ACY3: variants seen among roughly 807,000 people sequenced by gnomAD.
ACY3 encodes the protein N-acyl-aromatic-L-amino acid amidohydrolase (carboxylate-forming).
Under a neutral mutation model 24.6 loss-of-function variants are expected in ACY3, and 20 were observed. The ratio of observed to expected loss-of-function variants is 0.81; its 90% CI spans 0.57 to 1.18. The LOEUF is 1.18. Ranked by LOEUF, ACY3 falls within the 50% of genes most tolerant of loss-of-function variation. The probability of loss-of-function intolerance (pLI) is 0.00; values close to 1 mark genes in which losing one functional copy is unlikely to be tolerated. For missense variants in ACY3, 423 were observed against 426.8 expected (o/e 0.99, Z 0.08); for synonymous variants, 174 against 188.4 (o/e 0.92, Z 0.62).
At chr11:67,645,965 GGCCCTGCAGGA>G in intron 3 of ACY3, 78 bp from the exon 4 acceptor site, 1 of 1,422,632 alleles carries the variant, frequency 7.0e-7, no homozygotes, top group South Asian at 1.4e-5. Flanking sequence ...AAGGGGCAGG[GGCCCTGCAGGA>G]GCCACTCTGA....
At chr11:67,643,609 C>T (rs1026614439) in intron 7 of ACY3, among the ~76,000 whole-genome samples, 9 of 151,886 alleles carry the variant, frequency 5.9e-5, no homozygotes, top group Non-Finnish European at 1.0e-4. Flanking sequence ...ACTCAGGAGG[C>T]GGAGGTTGCA....
intron 7 of ACY3, among the ~76,000 whole-genome samples, chr11:67,643,877 C>A (rs1385925509): frequency 1.3e-5 from 2 of 152,040 alleles, no homozygotes; most frequent in Admixed American, 1.3e-4. Flanking sequence ...TGCCTATAAT[C>A]CCAGCTACTG....
chr11:67,643,307 A>C (rs531571422), intron 7 of ACY3, among the ~76,000 whole-genome samples: 45 of 152,362 alleles, frequency 3.0e-4, no homozygotes, highest in African/African-American at 9.4e-4. Flanking sequence ...TCCTCCTATC[A>C]TTCTGAAGTT....
Position 67,645,834 on chromosome 11 carries a change from T to G in ACY3, c.290A>C (p.Asn97Thr), listed in dbSNP as rs775630108. The G allele has an allele frequency of 6.2e-7, 1 of 1,613,576 alleles. No individual in the cohort carries two copies. The highest frequency in any genetic ancestry group is 8.5e-7 in the Non-Finnish European group (1 of 1,179,758). The part of the protein sequence containing the change: ...PYEVTRAREL[N>T]QLLGPKASGQ... Reference sequence around the variant, plus strand: ...CGAGGCCTTGGGCCCCAGCAGCTGGTTCAGCTCTCGGGCTCTTGTCACCTC... The same window carrying G: ...CGAGGCCTTGGGCCCCAGCAGCTGGGTCAGCTCTCGGGCTCTTGTCACCTC... Residue 97 changes from asparagine to threonine, a missense_variant, in exon 4 of 8, where the codon AAC (asparagine) becomes ACC (threonine). Transcript: ENST00000255082.
intron 7 of ACY3, among the ~76,000 whole-genome samples, chr11:67,644,182 G>A (rs1208475815): frequency 2.6e-5 from 4 of 151,804 alleles, no homozygotes; most frequent in Non-Finnish European, 5.9e-5. Flanking sequence ...AAACTTCAGG[G>A]CACAAAAGGC....
chr11:67,647,792 G>A (rs1855546829), intron 1 of ACY3, among the ~76,000 whole-genome samples: 2 of 152,330 alleles, frequency 1.3e-5, no homozygotes, highest in South Asian at 2.1e-4. Context: ...CCTGCCCTTC[G>A]TCCTTCTGCT....
At position 67,646,948 on chromosome 11, in the gene ACY3, C is replaced by G; in HGVS notation, c.96G>C (p.Arg32=). 1.9e-6 allele frequency: 3 copies of G among 1,596,964 alleles called. No homozygotes were observed. The highest frequency in any genetic ancestry group is 1.7e-6 in the Non-Finnish European group (2 of 1,171,534). ...GCTCTGCGGGGGCATGCAGCCAGTG[C>G]CGGGCCAGGTAGACGCCCGACATCT... The part of the protein sequence containing the change: ...GNEMSGVYLA[R]HWLHAPAELQ... The change falls in exon 3 of 8, where the codon CGG becomes CGC. Residue 32 remains arginine, a synonymous_variant. Coordinates refer to ENST00000255082, the MANE Select transcript of ACY3 (RefSeq NM_080658.2).
chr11:67,647,176 A>G (rs7108760), intron 2 of ACY3, 113 bp from the exon 3 acceptor site: 582,628 of 721,912 alleles, frequency 0.81, 238,269 homozygotes, highest in South Asian at 0.92. Flanking sequence ...AGGTGTGGAC[A>G]GCTGGGAGTG....
rs746720770 is a variant in ACY3, at chr11:67,645,338, G to A, written c.475C>T (p.Arg159Trp). 18 of 1,613,608 alleles carry A rather than the reference G, an allele frequency of 1.1e-5. No homozygotes were observed. Among genetic ancestry groups the A allele is most frequent in the Middle Eastern group, 1.6e-4 (1 of 6,082 alleles). ...ELSCQVFLYQ[R>W]SGEESYNLDS... is the part of the protein sequence containing the mutation. ...AGGTTGTAGCTCTCCTCCCCAGACC[G>A]CTGGTACAGGAAGACCTGGCAGGAC... is the stretch of plus-strand genomic sequence containing the variant. The change falls in exon 5 of 8, where the codon CGG becomes TGG. Residue 159 changes from arginine (R) to tryptophan (W), a missense_variant. Coordinates refer to ENST00000255082, the MANE Select transcript of ACY3 (RefSeq NM_080658.2).
intron 3 of ACY3, 73 bp from the exon 4 acceptor site, chr11:67,645,960 G>T: frequency 6.9e-7 from 1 of 1,451,958 alleles, no homozygotes; most frequent in South Asian, 1.4e-5. Flanking sequence ...GGGGAAAGGG[G>T]CAGGGGCCCT....
chr11:67,649,578 G>A (rs1297036864), intron 1 of ACY3, among the ~76,000 whole-genome samples: 1 of 151,874 alleles, frequency 6.6e-6, no homozygotes, highest in East Asian at 1.9e-4. Flanking sequence ...GTACATGTGT[G>A]CGTGTGCATG....
At chr11:67,646,132 T>C (rs1855513499) in intron 3 of ACY3, among the ~76,000 whole-genome samples, 1 of 152,212 alleles carries the variant, frequency 6.6e-6, no homozygotes, top group Non-Finnish European at 1.5e-5. Flanking sequence ...CTGCCTCTCA[T>C]GCCCTCATTC....
Position 67,644,754 on chromosome 11 carries a change from A to G in ACY3, c.744+6T>C. On this transcript the variant is annotated splice_donor_region_variant and intron_variant, in intron 7 of 7. Transcript: ENST00000255082. ...CCACCACACACACACACACACACAC[A>G]CACACCTGCAGCTGAGGATGCACAG... 1 of 1,547,982 alleles carries G rather than the reference A, an allele frequency of 6.5e-7. No individual in the cohort carries two copies. The highest frequency in any genetic ancestry group is 8.7e-7 in the Non-Finnish European group (1 of 1,147,180).
At chr11:67,646,611 G>A (rs1739377547) in intron 3 of ACY3, among the ~76,000 whole-genome samples, 197 bp downstream of exon 3, 1 of 152,222 alleles carries the variant, frequency 6.6e-6, no homozygotes, top group African/African-American at 2.4e-5. Flanking sequence ...TTGCAGTCAG[G>A]AAGGCCTTCC....
chr11:67,647,850 G>C (rs1427022314), intron 1 of ACY3, among the ~76,000 whole-genome samples: 3 of 152,206 alleles, frequency 2.0e-5, no homozygotes, highest in Non-Finnish European at 4.4e-5. Flanking sequence ...AGGTACACCC[G>C]CAGTGGGGTG....
chr11:67,648,892 CTGAGCCCCCAGTGGGCCGGGGCTCCCTA>C (rs1855565761), intron 1 of ACY3, among the ~76,000 whole-genome samples: 1 of 152,130 alleles, frequency 6.6e-6, no homozygotes, highest in East Asian at 1.9e-4. Flanking sequence ...GAGTGTGAGG[CTGAGCCCCCAGTGGGCCGGGGCTCCCTA>C]TGAGCCCCCT....
chr11:67,650,337 C>T (rs1855604603), intron 1 of ACY3, among the ~76,000 whole-genome samples: 1 of 152,156 alleles, frequency 6.6e-6, no homozygotes, highest in Admixed American at 6.5e-5. Flanking sequence ...AAAACCTGCC[C>T]CAGCCCTCAG....
At chr11:67,649,740 CGT>C (rs572195484) in intron 1 of ACY3, among the ~76,000 whole-genome samples, 14 of 141,350 alleles carry the variant, frequency 9.9e-5, no homozygotes, top group East Asian at 8.0e-4. Context: ...AGCATGTGTG[CGT>C]GTGTGCGCAT....
chr11:67,647,949 C>T (rs1349019606), intron 1 of ACY3, among the ~76,000 whole-genome samples: 1 of 152,220 alleles, frequency 6.6e-6, no homozygotes, highest in Non-Finnish European at 1.5e-5. Flanking sequence ...ACAAGCTGCC[C>T]CTCCTTCACC....
Sources: gnomAD v4.1 joint callset for allele counts (sites outside exome capture counted in the v4.1 genomes callset) on GRCh38, gnomAD v4.1.1 for gene constraint, MANE v1.5 for transcripts, NCBI Gene and HGNC (gene_info 2026-07-23, HGNC 2026-07-21) for gene names.